The following ATP6V1B1 variants were observed in gnomAD, a reference collection of about 807,000 sequenced individuals.
ATP6V1B1 encodes the protein V-type proton ATPase subunit B, kidney isoform.
A neutral mutation model predicts 62.1 loss-of-function variants in ATP6V1B1; 41 were observed. The observed-to-expected ratio is 0.66, with a 90% confidence interval of 0.51 to 0.86. The LOEUF is 0.86. Ranked by LOEUF, ATP6V1B1 falls within the 40% of genes least tolerant of loss-of-function variation. ATP6V1B1 has a pLI of 0.00. For synonymous variants in ATP6V1B1, 253 were observed against 273.4 expected (o/e 0.93, Z 0.74); for missense variants, 651 against 697.5 (o/e 0.93, Z 0.75).
intron 2 of ATP6V1B1, chr2:70,957,816 T>C (rs1299498356): frequency 7.1e-6 from 4 of 563,518 alleles, no homozygotes; most frequent in Admixed American, 2.9e-5. Context: ...AGGCAGCTAC[T>C]AAGCTTCAGA....
Position 70,963,606 on chromosome 2 carries a change from C to T in ATP6V1B1, c.1095C>T (p.Phe365=). The T allele has an allele frequency of 6.2e-7, 1 of 1,614,220 alleles. No individual in the cohort carries two copies. ...ACCCTATCCCAGACTTGACGGGCTT[C>T]ATCACAGAGGGACAGATCTACGTGG... ...ITHPIPDLTG[F]ITEGQIYVDR... Residue 365 remains phenylalanine (F), a synonymous_variant, in exon 11 of 14, where the codon TTC becomes TTT. Coordinates refer to ENST00000234396, the MANE Select transcript of ATP6V1B1 (RefSeq NM_001692.4). This position sits in a 1 kb window ranked among gnomAD's most constrained non-coding sequence, Gnocchi z 4.3.
At position 70,958,106 on chromosome 2, in the gene ATP6V1B1, C is replaced by A. The variant is rs140341636; in HGVS notation, c.235C>A (p.Gln79Lys). The change falls in exon 3 of 14, where the codon CAG becomes AAG. Residue 79 changes from glutamine to lysine, a missense_variant. Transcript: ENST00000234396. ...TLPDGTQRSG[Q>K]VLEVAGTKAI... is the part of the protein sequence containing the mutation. ...CCCAGATGGGACTCAGAGGAGCGGG[C>A]AGGTGCTTGAGGTGGCTGGCACCAA... is the stretch of plus-strand genomic sequence containing the variant. 1.9e-5 allele frequency: 30 copies of A among 1,614,044 alleles called. No individual in the cohort carries two copies. The highest frequency in any genetic ancestry group is 2.7e-5 in the African/African-American group (2 of 74,938).
At chr2:70,940,901 CTTTTTCTTTTTCTTTTTTTTT>C (rs1317336630) in intron 1 of ATP6V1B1, 2 of 588,244 alleles carry the variant, frequency 3.4e-6, no homozygotes, top group African/African-American at 2.5e-5. Context: ...TTTCTTTTTT[CTTTTTCTTTTTCTTTTTTTTT>C]TTTTTTTTTG....
Position 70,964,790 on chromosome 2 carries a change from G to A in ATP6V1B1, c.1303G>A (p.Glu435Lys). 3.1e-6 allele frequency: 5 copies of A among 1,614,072 alleles called. No individual in the cohort carries two copies. The highest frequency in any genetic ancestry group is 4.2e-6 in the Non-Finnish European group (5 of 1,180,046). Reference sequence around the variant, plus strand: ...GCAGGCCATGAAGGCAGTAGTTGGGGAGGAGGCGCTCACCTCTGAGGACCT... The same window carrying A: ...GCAGGCCATGAAGGCAGTAGTTGGGAAGGAGGCGCTCACCTCTGAGGACCT... Reference protein sequence around the residue: ...DVQAMKAVVGEEALTSEDLLY... With the variant: ...DVQAMKAVVGKEALTSEDLLY... The change falls in exon 13 of 14, where the codon GAG (glutamate) becomes AAG (lysine). Residue 435 changes from glutamate (E) to lysine (K), a missense_variant. Transcript: ENST00000234396.
Position 70,963,516 on chromosome 2 carries a change from G to A in ATP6V1B1, c.1061-56G>A. The A allele has an allele frequency of 6.3e-7, 1 of 1,578,424 alleles. No individual in the cohort carries two copies. The highest frequency in any genetic ancestry group is 2.2e-5 in the East Asian group (1 of 44,680). The stretch of plus-strand genomic sequence containing the variant: ...AGGGAAACAGACCCCAGGTGGCCCT[G>A]AGTGGTTGGAGACCTGGGCCCCCAC... On this transcript the variant is annotated intron_variant, in intron 10 of 13. Coordinates refer to ENST00000234396, the MANE Select transcript of ATP6V1B1 (RefSeq NM_001692.4). The surrounding 1 kb of genome is among the most constrained non-coding windows in gnomAD (Gnocchi z 4.3).
rs201039592 is a variant in ATP6V1B1 at position 70,964,718 on chromosome 2, G to T, written c.1249-18G>T. 1.2e-6 allele frequency: 2 copies of T among 1,613,198 alleles called. No homozygotes were observed. Among genetic ancestry groups the T allele is most frequent in the South Asian group, 2.2e-5 (2 of 91,076 alleles). ...TGGTAAGCCCGCAGCGGCCACCGAC[G>T]CCTTGCCCCTCCCCCAGTACGCCTG... On this transcript the variant is annotated intron_variant, in intron 12 of 13. Coordinates refer to ENST00000234396, the MANE Select transcript of ATP6V1B1 (RefSeq NM_001692.4).
At chr2:70,962,953 G>A in intron 9 of ATP6V1B1, 53 bp downstream of exon 9, 1 of 1,611,464 alleles carries the variant, frequency 6.2e-7, no homozygotes. Context: ...CCCTAAGCCT[G>A]ACACCCCAGA....
intron 6 of ATP6V1B1, 38 bp from the exon 7 acceptor site, chr2:70,960,883 G>T: frequency 1.3e-6 from 2 of 1,566,996 alleles, no homozygotes; most frequent in South Asian, 1.2e-5. Context: ...GGTCAGCTCC[G>T]ACTCTGACGT....
At chr2:70,940,598 A>G (rs1553416252) in intron 1 of ATP6V1B1, 1 of 985,228 alleles carries the variant, frequency 1.0e-6, no homozygotes, top group African/African-American at 1.7e-5. Context: ...GGGAAGGGTA[A>G]TGCCCAAGCC....
intron 1 of ATP6V1B1, chr2:70,943,289 G>A (rs1200340960): frequency 4.4e-6 from 2 of 450,836 alleles, no homozygotes; most frequent in Non-Finnish European, 8.3e-6. Flanking sequence ...ACAGCCGGGG[G>A]CCAGGAGCTT....
Position 70,964,607 on chromosome 2 carries a change from C to CA in ATP6V1B1, c.1248+66dup. ...TTTCCGAAGCTGAAGGCCTGAGCCC[C>CA]ATCTGAAGGACAAGCTTTTCTCCTG... On this transcript the variant is annotated intron_variant, in intron 12 of 13. Transcript: ENST00000234396. 2.5e-6 allele frequency: 4 copies of CA among 1,609,958 alleles called. 1 individual carries two copies. Among genetic ancestry groups the CA allele is most frequent in the Non-Finnish European group, 1.7e-6 (2 of 1,176,498 alleles).
At chr2:70,955,746 C>G (rs1480417610) in intron 2 of ATP6V1B1, among the ~76,000 whole-genome samples, 1 of 152,176 alleles carries the variant, frequency 6.6e-6, no homozygotes, top group Non-Finnish European at 1.5e-5. Context: ...CAAATTTCAA[C>G]TCTGCTAGGC....
chr2:70,945,934 G>C (rs935889267), intron 2 of ATP6V1B1, among the ~76,000 whole-genome samples: 1 of 151,310 alleles, frequency 6.6e-6, no homozygotes, highest in Non-Finnish European at 1.5e-5. Context: ...TCTACTTTTT[G>C]TGGTTTTATT....
chr2:70,956,112 T>A (rs1553419010), intron 2 of ATP6V1B1: 1 of 209,516 alleles, frequency 4.8e-6, no homozygotes, highest in Non-Finnish European at 1.1e-5. Flanking sequence ...TAGTTTTTAT[T>A]GTGCCTGGTG....
At chr2:70,950,645 A>C (rs1680301969) in intron 2 of ATP6V1B1, among the ~76,000 whole-genome samples, 1 of 152,158 alleles carries the variant, frequency 6.6e-6, no homozygotes, top group African/African-American at 2.4e-5. Context: ...TATTTATCTT[A>C]TAAACAGCCA....
rs1311395080 is a variant in ATP6V1B1 at position 70,965,125 on chromosome 2, C to A, written c.*4C>A. On this transcript the variant is annotated 3_prime_UTR_variant, in exon 14 of 14. Coordinates refer to ENST00000234396, the MANE Select transcript of ATP6V1B1 (RefSeq NM_001692.4). ...CGCGCCTGACACTGCGCTCTAGCCC[C>A]GCGCGCCGTGGCACCCCAACACCGG... 1 of 1,608,442 alleles carries A rather than the reference C, an allele frequency of 6.2e-7. No individual in the cohort carries two copies. Among genetic ancestry groups the A allele is most frequent in the Non-Finnish European group, 8.5e-7 (1 of 1,179,858 alleles).
intron 1 of ATP6V1B1, chr2:70,940,929 T>A (rs1679987893): frequency 2.2e-6 from 2 of 903,988 alleles, no homozygotes; most frequent in Admixed American, 1.5e-4. Context: ...TTTTTTTTTT[T>A]TTGAGACAGG....
intron 2 of ATP6V1B1, among the ~76,000 whole-genome samples, chr2:70,945,514 A>T (rs13426202): frequency 0.16 from 23,669 of 151,586 alleles, 2,152 homozygotes; most frequent in East Asian, 0.48. Flanking sequence ...ATGACAAAGA[A>T]TGGGGGATTG....
At chr2:70,958,451 T>TGGGGG in intron 4 of ATP6V1B1, 25 bp downstream of exon 4, 1 of 1,405,754 alleles carries the variant, frequency 7.1e-7, no homozygotes, top group Non-Finnish European at 1.0e-6. Flanking sequence ...GGGGCAGGGG[T>TGGGGG]GGGGGTGCTC....
Sources: allele counts gnomAD v4.1 joint callset (sites outside exome capture counted in the v4.1 genomes callset), GRCh38; gene constraint gnomAD v4.1.1; non-coding constraint Gnocchi (gnomAD v3.1); transcripts MANE v1.5; gene names NCBI Gene and HGNC (gene_info 2026-07-23, HGNC 2026-07-21).